NAA11: variants seen among roughly 807,000 people sequenced by gnomAD.
NAA11 encodes the protein N-alpha-acetyltransferase 11, NatA catalytic subunit.
Under a neutral mutation model 16.1 loss-of-function variants are expected in NAA11, and 15 were observed. The observed-to-expected ratio is 0.93, with a 90% CI of 0.62 to 1.44. The LOEUF is 1.44. Among genes scored for constraint, NAA11 ranks in the 40% most tolerant of loss-of-function variants. The pLI, the probability that NAA11 is intolerant of heterozygous loss-of-function variation, is 0.00. For synonymous variants in NAA11, 122 were observed against 112.4 expected (o/e 1.09, Z -0.54); for missense variants, 298 against 291.3 (o/e 1.02, Z -0.17).
At chr4:79,256,023 A>C (rs1194286838) in intron 2 of NAA11, among the ~76,000 whole-genome samples, 1 of 152,088 alleles carries the variant, frequency 6.6e-6, no homozygotes, top group Non-Finnish European at 1.5e-5. Context: ...AGCTGCTTCC[A>C]CCAGGGCCCT....
At chr4:79,189,135 G>C in the NAA11 span, among the ~76,000 whole-genome samples, 1 of 13,600 alleles carries the variant, frequency 7.4e-5, no homozygotes, top group African/African-American at 1.1e-4. Flanking sequence ...GATAGAGCGA[G>C]ACTCCATCTC....
At chr4:79,312,020 CT>C (rs2110011288), downstream of NAA11, among the ~76,000 whole-genome samples, 1 of 152,270 alleles carries the variant, frequency 6.6e-6, no homozygotes, top group East Asian at 1.9e-4. Flanking sequence ...TCACATTAAT[CT>C]ATCTGCCACT....
At chr4:79,189,588 G>T in the NAA11 span, among the ~76,000 whole-genome samples, 11 of 152,246 alleles carry the variant, frequency 7.2e-5, no homozygotes, top group Non-Finnish European at 1.5e-4. Flanking sequence ...CCTACACTGT[G>T]TTCTGTCTGC....
At chr4:79,257,127 T>C (rs1722131974) in intron 2 of NAA11, among the ~76,000 whole-genome samples, 1 of 152,252 alleles carries the variant, frequency 6.6e-6, no homozygotes, top group African/African-American at 2.4e-5. Flanking sequence ...TGTTGTGTTC[T>C]TTTGCATATG....
At chr4:79,220,156 G>A in the NAA11 span, among the ~76,000 whole-genome samples, 11 of 152,266 alleles carry the variant, frequency 7.2e-5, no homozygotes, top group Non-Finnish European at 1.0e-4. Flanking sequence ...GCAGTGGCAC[G>A]ATCTCGGCTC....
chr4:79,192,715 T>A, the NAA11 span, among the ~76,000 whole-genome samples: 1 of 152,002 alleles, frequency 6.6e-6, no homozygotes, highest in Non-Finnish European at 1.5e-5. Flanking sequence ...TATAGCAGCA[T>A]GATTTATAAT....
downstream of NAA11, among the ~76,000 whole-genome samples, chr4:79,315,643 T>A (rs1723905713): frequency 6.6e-6 from 1 of 152,002 alleles, no homozygotes; most frequent in Non-Finnish European, 1.5e-5. Context: ...TGCTTTGCTC[T>A]CTCTAGGACT....
At chr4:79,270,431 C>G (rs927914983) in intron 2 of NAA11, among the ~76,000 whole-genome samples, 9 of 150,310 alleles carry the variant, frequency 6.0e-5, no homozygotes, top group African/African-American at 2.2e-4. Context: ...GGATTCACCG[C>G]CGAATTCTAC....
the NAA11 span, among the ~76,000 whole-genome samples, chr4:79,189,402 AG>A: frequency 9.9e-5 from 15 of 152,268 alleles, no homozygotes; most frequent in African/African-American, 3.6e-4. Flanking sequence ...ATAGGAAGTG[AG>A]GAAAAAAGAC....
chr4:79,267,850 G>C (rs1722386821), intron 2 of NAA11, among the ~76,000 whole-genome samples: 1 of 152,036 alleles, frequency 6.6e-6, no homozygotes, highest in Non-Finnish European at 1.5e-5. Context: ...TTTCCTAGGA[G>C]GAAACAGCAG....
At chr4:79,194,857 A>T in the NAA11 span, among the ~76,000 whole-genome samples, 34 of 152,198 alleles carry the variant, frequency 2.2e-4, 1 homozygote, top group South Asian at 1.0e-3. Context: ...GATGAAAAAA[A>T]CTAAGACATA....
chr4:79,230,784 T>G (rs1721443868), intron 2 of NAA11, among the ~76,000 whole-genome samples: 1 of 152,012 alleles, frequency 6.6e-6, no homozygotes, highest in Non-Finnish European at 1.5e-5. Flanking sequence ...GAGACGATAC[T>G]CTTAACAGAG....
chr4:79,291,526 A>G (rs541482614), intron 2 of NAA11, among the ~76,000 whole-genome samples: 1 of 152,204 alleles, frequency 6.6e-6, no homozygotes, highest in African/African-American at 2.4e-5. Context: ...GGTGTTCGAG[A>G]CCAGCCTGAC....
chr4:79,289,744 AC>A (rs1346611909), intron 2 of NAA11, among the ~76,000 whole-genome samples: 1 of 152,218 alleles, frequency 6.6e-6, no homozygotes, highest in Admixed American at 6.5e-5. Flanking sequence ...AAAATAGTAC[AC>A]AGTATAGCTC....
chr4:79,184,773 G>A, the NAA11 span, among the ~76,000 whole-genome samples: 2 of 152,134 alleles, frequency 1.3e-5, no homozygotes, highest in Non-Finnish European at 2.9e-5. Context: ...AAATAAGTAT[G>A]TGTATTTCCG....
chr4:79,211,729 C>T, the NAA11 span: 3 of 152,288 alleles, frequency 2.0e-5, no homozygotes, highest in Non-Finnish European at 4.4e-5. Flanking sequence ...CAATATGCTT[C>T]CCTGAAAGAG....
intron 2 of NAA11, among the ~76,000 whole-genome samples, chr4:79,251,354 C>A (rs1721989164): frequency 6.6e-6 from 1 of 152,108 alleles, no homozygotes; most frequent in Non-Finnish European, 1.5e-5. Flanking sequence ...GGCCATTAGC[C>A]CAAGCAAACT....
chr4:79,223,088 G>A (rs1229766832), downstream of NAA11, among the ~76,000 whole-genome samples: 3 of 149,020 alleles, frequency 2.0e-5, no homozygotes, highest in Non-Finnish European at 4.5e-5. Context: ...TCAGTGTGGC[G>A]ATTCCTCAGG....
chr4:79,325,960 A>T lies in NAA11; in HGVS notation c.-83T>A. 7.9e-7 allele frequency: 1 copy of T among 1,257,876 alleles called. No homozygotes were observed. Among genetic ancestry groups the T allele is most frequent in the Admixed American group, 2.5e-5 (1 of 40,492 alleles). 77.9% of individuals were successfully genotyped at this position (1,257,876 alleles called of 1,614,324 possible). On this transcript the variant is annotated 5_prime_UTR_variant, in exon 1 of 2. Transcript: ENST00000286794. ...GACCTTAAGGGGCACTGTTTGCCTC[A>T]GGAATCGAGTCCAGGGGGCTAACAC...
Sources: allele counts gnomAD v4.1 joint callset (sites outside exome capture counted in the v4.1 genomes callset), GRCh38; gene constraint gnomAD v4.1.1; transcripts MANE v1.5; gene names NCBI Gene and HGNC (gene_info 2026-07-23, HGNC 2026-07-21).